Variants in POU2F3 observed in about 807,000 individuals in gnomAD.
The protein encoded by POU2F3 is POU domain, class 2, transcription factor 3.
In POU2F3, 23 loss-of-function variants were observed where a neutral mutation model predicts 59.2. That is an observed-to-expected ratio of 0.39 (90% CI 0.28 to 0.55). POU2F3 has a LOEUF of 0.55. Ranked by LOEUF, POU2F3 falls within the 20% of genes least tolerant of loss-of-function variation. POU2F3 has a pLI of 0.66. For missense variants in POU2F3, 473 were observed against 544.5 expected (o/e 0.87, Z 1.31); for synonymous variants, 190 against 214.6 (o/e 0.89, Z 1.00).
Position 120,265,044 on chromosome 11 carries a change from A to G in POU2F3, c.98-4166A>G, listed in dbSNP as rs193115124. On this transcript the variant is annotated intron_variant, in intron 2 of 12. Coordinates refer to ENST00000543440, the MANE Select transcript of POU2F3 (RefSeq NM_014352.4). The stretch of plus-strand genomic sequence containing the variant: ...CAGCAGAGCCCCCATGACCTAAATC[A>G]CCATCTGCAGTTCCCAGGTACCACC... 2.0e-3 allele frequency among the ~76,000 whole-genome samples: 311 copies of G among 152,248 alleles called. 1 individual carries two copies. The highest frequency in any genetic ancestry group is 3.5e-3 in the Non-Finnish European group (237 of 68,002).
upstream of POU2F3, among the ~76,000 whole-genome samples, chr11:120,239,525 C>G (rs1227740901): frequency 6.6e-6 from 1 of 152,146 alleles, no homozygotes; most frequent in Admixed American, 6.5e-5. Context: ...ACTGGAGGGG[C>G]AAGCAGGAAG....
At chr11:120,315,515 G>T (rs964888273) in intron 11 of POU2F3, 88 bp downstream of exon 11, 4 of 1,273,972 alleles carry the variant, frequency 3.1e-6, no homozygotes, top group East Asian at 2.3e-5. Flanking sequence ...CCTAAGTCAG[G>T]CTTCCCTAAA....
chr11:120,263,031 G>A (rs1395157600), intron 2 of POU2F3, among the ~76,000 whole-genome samples: 1 of 150,756 alleles, frequency 6.6e-6, no homozygotes, highest in Non-Finnish European at 1.5e-5. Flanking sequence ...TCACTCTGTT[G>A]CCCAGGCTGC....
chr11:120,306,438 A>T (rs1941491278), intron 8 of POU2F3, among the ~76,000 whole-genome samples: 1 of 152,140 alleles, frequency 6.6e-6, no homozygotes, highest in East Asian at 1.9e-4. Flanking sequence ...CACTATAGAC[A>T]TCCTGGGCCA....
At chr11:120,253,446 G>C (rs796302284) in intron 2 of POU2F3, 21 of 152,348 alleles carry the variant, frequency 1.4e-4, no homozygotes, top group African/African-American at 4.8e-4. Context: ...TTTTAGTGGA[G>C]ACGGAGTTTC....
rs1321484595 is a variant in POU2F3 at position 120,285,044 on chromosome 11, G to A, written c.133-13221G>A. On this transcript the variant is annotated intron_variant, in intron 3 of 12. Transcript: ENST00000543440. This position sits in a 1 kb window ranked among gnomAD's most constrained non-coding sequence, Gnocchi z 4.3. ...TTCCATTTTTATCGTTCAAGATTTT[G>A]CATTTTTGGTGTTAAAATATTTAGT... Among the ~76,000 whole-genome samples, 1 of 152,158 alleles carries A rather than the reference G, an allele frequency of 6.6e-6. No homozygotes were observed. Among genetic ancestry groups the A allele is most frequent in the Non-Finnish European group, 1.5e-5 (1 of 68,012 alleles).
intron 3 of POU2F3, among the ~76,000 whole-genome samples, chr11:120,295,153 C>T (rs557216928): frequency 5.9e-5 from 9 of 152,258 alleles, no homozygotes; most frequent in East Asian, 1.9e-4. Flanking sequence ...TGAAAGGGTG[C>T]GTTTTCTTTT....
At chr11:120,314,136 C>T (rs1941724336) in intron 10 of POU2F3, among the ~76,000 whole-genome samples, 1 of 152,190 alleles carries the variant, frequency 6.6e-6, no homozygotes, top group Non-Finnish European at 1.5e-5. Context: ...AACCTGTGCC[C>T]GTCTCCACCC....
intron 1 of POU2F3, among the ~76,000 whole-genome samples, chr11:120,245,909 A>G (rs781487101): frequency 5.9e-5 from 9 of 152,126 alleles, no homozygotes; most frequent in Non-Finnish European, 1.0e-4. Context: ...CTGTGGGCTG[A>G]CCTCTGAGAC....
Position 120,284,396 on chromosome 11 carries a change from A to G in POU2F3, c.133-13869A>G, listed in dbSNP as rs570619971. On this transcript the variant is annotated intron_variant, in intron 3 of 12. Transcript: ENST00000543440. ...AAGGTGAACTTGTTGGCTTTATGCAAATAGAGTGTGGAGTGGGCTCCATCC... is the reference window on the plus strand; with the variant it reads ...AAGGTGAACTTGTTGGCTTTATGCAGATAGAGTGTGGAGTGGGCTCCATCC... Among the ~76,000 whole-genome samples, 16 of 152,206 alleles carry G rather than the reference A, an allele frequency of 1.1e-4. No individual in the cohort carries two copies. The East Asian group carries it at 1.4e-3, about 13-fold the overall frequency.
chr11:120,298,979 C>A (rs114205687), intron 4 of POU2F3, among the ~76,000 whole-genome samples: 1,757 of 152,308 alleles, frequency 0.012, 32 homozygotes, highest in African/African-American at 0.04. Context: ...GTGCACAAAC[C>A]TAAGCTCAAC....
At chr11:120,287,715 T>A (rs555761867) in intron 3 of POU2F3, among the ~76,000 whole-genome samples, 2 of 148,570 alleles carry the variant, frequency 1.3e-5, no homozygotes, top group African/African-American at 4.9e-5. Context: ...CCCCAGCTAA[T>A]AGGTGTAACA....
At chr11:120,248,912 A>G (rs974318745) in intron 2 of POU2F3, among the ~76,000 whole-genome samples, 1 of 152,220 alleles carries the variant, frequency 6.6e-6, no homozygotes, top group Non-Finnish European at 1.5e-5. Context: ...TGCATGAATT[A>G]AGGGGTGGTT....
upstream of POU2F3, among the ~76,000 whole-genome samples, chr11:120,238,334 G>T (rs527915163): frequency 3.5e-4 from 53 of 152,220 alleles, no homozygotes; most frequent in South Asian, 0.011. Flanking sequence ...TGGGGAGGGT[G>T]GTGTATGTGG....
chr11:120,289,565 C>T (rs1940947552), intron 3 of POU2F3, among the ~76,000 whole-genome samples: 1 of 152,170 alleles, frequency 6.6e-6, no homozygotes, highest in African/African-American at 2.4e-5. Context: ...CTGTCCTCTC[C>T]CTCCCCTACA....
chr11:120,293,399 C>T lies in POU2F3; in HGVS notation c.133-4866C>T, dbSNP rs1337128540. Among the ~76,000 whole-genome samples the T allele has an allele frequency of 2.0e-5, 3 of 152,252 alleles. No homozygotes were observed. In the East Asian group the frequency reaches 5.8e-4, roughly 29 times the overall value. On this transcript the variant is annotated intron_variant, in intron 3 of 12. Transcript: ENST00000543440. ...CACTTGAGAGGAGTTACCCATCTGC[C>T]CCATTCCACCACTTAGAATATATTT... is the stretch of plus-strand genomic sequence containing the variant.
chr11:120,287,790 G>A (rs1323049204), intron 3 of POU2F3, among the ~76,000 whole-genome samples: 1 of 152,172 alleles, frequency 6.6e-6, no homozygotes, highest in African/African-American at 2.4e-5. Context: ...AGAGCTTCAT[G>A]GCAGTGCTGC....
chr11:120,236,710 A>G (rs1467981319), upstream of POU2F3: 19 of 1,487,262 alleles, frequency 1.3e-5, no homozygotes, highest in East Asian at 2.5e-5. Context: ...AGGAAGGGGT[A>G]AAGGAGTTCT....
intron 3 of POU2F3, among the ~76,000 whole-genome samples, chr11:120,294,987 G>A (rs970653681): frequency 2.0e-5 from 3 of 152,070 alleles, no homozygotes; most frequent in South Asian, 2.1e-4. Flanking sequence ...GTAAAAAGTC[G>A]GTCAAACGAA....
Sources: allele counts gnomAD v4.1 joint callset (sites outside exome capture counted in the v4.1 genomes callset), GRCh38; gene constraint gnomAD v4.1.1; non-coding constraint Gnocchi (gnomAD v3.1); transcripts MANE v1.5; gene names NCBI Gene and HGNC (gene_info 2026-07-23, HGNC 2026-07-21).